POU3F3: variants seen among roughly 807,000 people sequenced by gnomAD.
POU3F3 encodes the protein POU class 3 homeobox 3, also known as POU domain, class 3, transcription factor 3.
In POU3F3, 1 loss-of-function variant was observed where a neutral mutation model predicts 8.6. The ratio of observed to expected loss-of-function variants is 0.12; its 90% CI spans 0.04 to 0.55. POU3F3 has a LOEUF of 0.55. POU3F3 is among the 20% of genes least tolerant of loss of function. The pLI, the probability that POU3F3 is intolerant of heterozygous loss-of-function variation, is 0.91. For missense variants in POU3F3, 577 were observed against 690.7 expected (o/e 0.84, Z 1.84); for synonymous variants, 418 against 327.4 (o/e 1.28, Z -2.99).
the POU3F3 span, among the ~76,000 whole-genome samples, chr2:104,899,905 G>A: frequency 8.5e-5 from 13 of 152,310 alleles, no homozygotes; most frequent in East Asian, 5.8e-4. Flanking sequence ...TCCCAACCAC[G>A]CAGGTGAAAT....
the POU3F3 span, among the ~76,000 whole-genome samples, chr2:104,874,420 C>T: frequency 6.6e-6 from 1 of 152,198 alleles, no homozygotes; most frequent in East Asian, 1.9e-4. Context: ...GGAACATGCA[C>T]TCCTGTTGGA....
Position 104,856,412 on chromosome 2 carries a change from C to T in POU3F3, c.902C>T (p.Ala301Val). The T allele has an allele frequency of 6.3e-7, 1 of 1,594,344 alleles. No individual in the cohort carries two copies. ...PPHHGGGGGG[A>V]GPGLNSHDPH... ...CACCACGGCGGCGGCGGCGGCGGCG[C>T]GGGGCCTGGACTCAACAGCCACGAC... is the stretch of plus-strand genomic sequence containing the variant. The change falls in exon 1 of 1, where the codon GCG (alanine) becomes GTG (valine). Residue 301 changes from alanine (A) to valine (V), a missense_variant. By Grantham distance (64) the Ala-to-Val change is moderately conservative. This residue lies in a region of POU3F3 where 484 missense variants were observed against 422.6 expected (regional missense o/e 1.15). Coordinates refer to ENST00000361360, the MANE Select transcript of POU3F3 (RefSeq NM_006236.3).
At chr2:104,869,878 T>C in the POU3F3 span, 2 of 152,264 alleles carry the variant, frequency 1.3e-5, no homozygotes, top group East Asian at 1.9e-4. Context: ...TCAAGGGGTG[T>C]CCAGGGTCAG....
At chr2:104,914,235 C>G in the POU3F3 span, among the ~76,000 whole-genome samples, 5 of 152,220 alleles carry the variant, frequency 3.3e-5, no homozygotes, top group African/African-American at 1.2e-4. Context: ...TGTTTTCCAG[C>G]ACATTCTTGG....
the POU3F3 span, among the ~76,000 whole-genome samples, chr2:104,876,251 G>C: frequency 6.6e-6 from 1 of 152,170 alleles, no homozygotes; most frequent in Non-Finnish European, 1.5e-5. Flanking sequence ...AATGTTCCTT[G>C]TCTTCTTCCT....
At chr2:104,879,483 A>T in the POU3F3 span, among the ~76,000 whole-genome samples, 5 of 151,782 alleles carry the variant, frequency 3.3e-5, no homozygotes, top group African/African-American at 1.2e-4. Flanking sequence ...TTTTTTTCCC[A>T]ATTTCTTTGA....
the POU3F3 span, among the ~76,000 whole-genome samples, chr2:104,888,752 C>T: frequency 6.6e-6 from 1 of 152,056 alleles, no homozygotes; most frequent in African/African-American, 2.4e-5. Flanking sequence ...GTCACAGTAA[C>T]CAATTTGGGG....
the POU3F3 span, among the ~76,000 whole-genome samples, chr2:104,913,765 G>T: frequency 6.6e-6 from 1 of 152,196 alleles, no homozygotes; most frequent in Non-Finnish European, 1.5e-5. Context: ...TGAACGTAGA[G>T]CCTGATACAT....
chr2:104,915,728 G>A, the POU3F3 span, among the ~76,000 whole-genome samples: 1 of 151,754 alleles, frequency 6.6e-6, no homozygotes, highest in Non-Finnish European at 1.5e-5. Flanking sequence ...CCAATGAGAG[G>A]TTGTTTCTAA....
the POU3F3 span, among the ~76,000 whole-genome samples, chr2:104,897,608 C>T: frequency 6.6e-6 from 1 of 152,174 alleles, no homozygotes; most frequent in East Asian, 1.9e-4. Context: ...CCCAGCCCCG[C>T]CCATGTGGGG....
chr2:104,864,958 G>A, the POU3F3 span, among the ~76,000 whole-genome samples: 5 of 152,304 alleles, frequency 3.3e-5, no homozygotes, highest in East Asian at 3.9e-4. Flanking sequence ...GCGCACATGC[G>A]TGTGAACAAA....
chr2:104,918,610 C>A, the POU3F3 span, among the ~76,000 whole-genome samples: 8 of 152,060 alleles, frequency 5.3e-5, no homozygotes, highest in Non-Finnish European at 1.2e-4. Context: ...AACCAGGGAG[C>A]ACCCAAGGTC....
downstream of POU3F3, among the ~76,000 whole-genome samples, chr2:104,859,043 G>A (rs116312558): frequency 5.8e-3 from 886 of 151,558 alleles, 7 homozygotes; most frequent in African/African-American, 0.021. Context: ...ATAGTTGTTA[G>A]GAGTCGCTTA....
chr2:104,925,609 C>A, the POU3F3 span, among the ~76,000 whole-genome samples: 1 of 152,118 alleles, frequency 6.6e-6, no homozygotes, highest in Admixed American at 6.5e-5. Context: ...GAAACATCCT[C>A]GAATGCAAAA....
chr2:104,920,619 G>A, the POU3F3 span, among the ~76,000 whole-genome samples: 1 of 151,982 alleles, frequency 6.6e-6, no homozygotes, highest in African/African-American at 2.4e-5. Context: ...CATAAAAAGG[G>A]GCCATTGCCT....
the POU3F3 span, among the ~76,000 whole-genome samples, chr2:104,884,455 T>C: frequency 6.6e-6 from 1 of 152,134 alleles, no homozygotes; most frequent in African/African-American, 2.4e-5. Flanking sequence ...ATCCAACTAA[T>C]GGCTGTATAT....
chr2:104,905,900 G>C, the POU3F3 span, among the ~76,000 whole-genome samples: 2 of 152,190 alleles, frequency 1.3e-5, no homozygotes, highest in Admixed American at 6.5e-5. Flanking sequence ...GGTTTTGGGG[G>C]TTTGAACTTG....
chr2:104,882,882 A>G, the POU3F3 span, among the ~76,000 whole-genome samples: 1 of 152,234 alleles, frequency 6.6e-6, no homozygotes, highest in Non-Finnish European at 1.5e-5. Flanking sequence ...ATCACAGAAC[A>G]AAGTGGAAGC....
At chr2:104,866,844 G>A in the POU3F3 span, 3 of 152,262 alleles carry the variant, frequency 2.0e-5, no homozygotes, top group Admixed American at 2.0e-4. Flanking sequence ...AGAGCTGCAC[G>A]TTGGCTAAGC....
Sources: gnomAD v4.1 joint callset for allele counts (sites outside exome capture counted in the v4.1 genomes callset) on GRCh38, gnomAD v4.1.1 for gene constraint, gnomAD v4.1.1 regional missense constraint, MANE v1.5 for transcripts, NCBI Gene and HGNC (gene_info 2026-07-23, HGNC 2026-07-21) for gene names.